The following RAP1GAP2 variants were observed in gnomAD, a reference collection of about 807,000 sequenced individuals.
RAP1GAP2 encodes RAP1 GTPase activating protein 2.
A neutral mutation model predicts 95.0 loss-of-function variants in RAP1GAP2; 27 were observed. That is an observed-to-expected ratio of 0.28 (90% CI 0.21 to 0.39). The LOEUF is 0.39. Among genes scored for constraint, RAP1GAP2 ranks in the 10% least tolerant of loss-of-function variants. The pLI is 1.00. For synonymous variants in RAP1GAP2, 373 were observed against 380.9 expected, an observed-to-expected ratio of 0.98 and a Z score of 0.24; for missense variants, 771 against 970.0, an observed-to-expected ratio of 0.79 and a Z score of 2.72.
intron 23 of RAP1GAP2, among the ~76,000 whole-genome samples, chr17:3,031,980 C>T (rs1045757234): frequency 6.7e-6 from 1 of 149,704 alleles, no homozygotes; most frequent in Non-Finnish European, 1.5e-5. Context: ...CTGGGTCCCC[C>T]AGTCCCTTCC....
intron 11 of RAP1GAP2, among the ~76,000 whole-genome samples, chr17:2,988,903 T>C (rs9907471): frequency 1.3e-5 from 2 of 151,988 alleles, no homozygotes; most frequent in Admixed American, 6.6e-5. Flanking sequence ...CTCCTAAAAA[T>C]ACAAAAAATT....
intron 2 of RAP1GAP2, among the ~76,000 whole-genome samples, chr17:2,864,617 G>A (rs1310820328): frequency 3.3e-5 from 5 of 152,236 alleles, no homozygotes; most frequent in African/African-American, 7.2e-5. Flanking sequence ...GAGGCTGGGG[G>A]TTGGGAGCTC....
intron 2 of RAP1GAP2, among the ~76,000 whole-genome samples, chr17:2,822,791 G>C (rs964695065): frequency 1.3e-5 from 2 of 151,130 alleles, no homozygotes; most frequent in African/African-American, 4.9e-5. Context: ...GTGCCATGTT[G>C]GTGTGCTGCA....
intron 1 of RAP1GAP2, among the ~76,000 whole-genome samples, chr17:2,757,263 C>A (rs2071165534): frequency 6.6e-6 from 1 of 151,916 alleles, no homozygotes; most frequent in Admixed American, 6.6e-5. Flanking sequence ...GGACTGCAGG[C>A]ATGGGCCATC....
At chr17:2,966,842 G>A (rs1018005645) in intron 8 of RAP1GAP2, among the ~76,000 whole-genome samples, 1 of 152,138 alleles carries the variant, frequency 6.6e-6, no homozygotes, top group Non-Finnish European at 1.5e-5. Flanking sequence ...CCGAGACTGG[G>A]TAGCATTTTT....
chr17:2,836,216 A>G (rs536711598), intron 2 of RAP1GAP2, among the ~76,000 whole-genome samples: 1 of 151,942 alleles, frequency 6.6e-6, no homozygotes, highest in African/African-American at 2.4e-5. Context: ...GTAGAGGTCT[A>G]CTATGTTCAC....
chr17:2,820,893 T>C (rs2070263051), intron 2 of RAP1GAP2, among the ~76,000 whole-genome samples: 1 of 54,426 alleles, frequency 1.8e-5, no homozygotes, highest in Admixed American at 1.5e-4. Context: ...CGGATAATGG[T>C]TTTTTTTTTT....
upstream of RAP1GAP2, among the ~76,000 whole-genome samples, chr17:2,776,035 C>T (rs2068491204): frequency 6.6e-6 from 1 of 152,108 alleles, no homozygotes. Context: ...AAAAAGTAGC[C>T]GGGTATGGTG....
chr17:2,823,029 G>T (rs993716651), intron 2 of RAP1GAP2, among the ~76,000 whole-genome samples: 1 of 152,138 alleles, frequency 6.6e-6, no homozygotes, highest in African/African-American at 2.4e-5. Flanking sequence ...TCCTTGGGGT[G>T]AGGCACAGCC....
At position 2,965,218 on chromosome 17, in the gene RAP1GAP2, T is replaced by C; in HGVS notation, c.493-322T>C. On this transcript the variant is annotated intron_variant, in intron 7 of 24. Transcript: ENST00000254695. This position sits in a 1 kb window ranked among gnomAD's most constrained non-coding sequence, Gnocchi z 4.7. ...TGCGTTTGAACCCTGGATCTGTCCC[T>C]TACTCATCGTGTCATCCTGGGCAGT... The C allele has an allele frequency of 2.7e-6, 1 of 364,556 alleles. No homozygotes were observed. Among genetic ancestry groups the C allele is most frequent in the South Asian group, 2.9e-5 (1 of 34,406 alleles). 22.6% of individuals were successfully genotyped at this position (364,556 alleles called of 1,614,324 possible). A position where few individuals can be genotyped will look rare whatever the true frequency, so the allele number is the denominator to read the frequency against.
At chr17:2,853,010 G>T (rs1280133280) in intron 2 of RAP1GAP2, among the ~76,000 whole-genome samples, 1 of 151,988 alleles carries the variant, frequency 6.6e-6, no homozygotes, top group East Asian at 1.9e-4. Context: ...AGGGCGGAGT[G>T]GGGGGCGCCC....
upstream of RAP1GAP2, among the ~76,000 whole-genome samples, chr17:2,793,304 C>G (rs375011926): frequency 6.6e-6 from 1 of 152,116 alleles, no homozygotes; most frequent in Non-Finnish European, 1.5e-5. Flanking sequence ...CAGGCATGTG[C>G]CACGACGCCC....
chr17:2,897,242 G>T (rs1184931188), intron 2 of RAP1GAP2, among the ~76,000 whole-genome samples: 1 of 152,036 alleles, frequency 6.6e-6, no homozygotes, highest in African/African-American at 2.4e-5. Flanking sequence ...GGAGGCTGAG[G>T]CAGGAGAATT....
chr17:2,896,420 AGC>A (rs1350167664), intron 2 of RAP1GAP2, among the ~76,000 whole-genome samples: 1 of 152,140 alleles, frequency 6.6e-6, no homozygotes, highest in Non-Finnish European at 1.5e-5. Flanking sequence ...AGTGGGAAGG[AGC>A]ACCGGAATGG....
intron 10 of RAP1GAP2, 28 bp from the exon 11 acceptor site, chr17:2,984,955 A>ATTTTTTTTTTT: frequency 2.6e-6 from 4 of 1,546,656 alleles, no homozygotes; most frequent in South Asian, 1.2e-5. Flanking sequence ...ACAAATGTTG[A>ATTTTTTTTTTT]TTTTTTTTTT....
rs2046417258 is a variant in RAP1GAP2 at position 3,008,845 on chromosome 17, G to T, written c.1494+700G>T. 6.6e-6 allele frequency among the ~76,000 whole-genome samples: 1 copy of T among 152,204 alleles called. No homozygotes were observed. The highest frequency in any genetic ancestry group is 2.4e-5 in the African/African-American group (1 of 41,462). ...GCATCTGGCTCGAGCCTGGCTGTCA[G>T]CCTGTGCAGGTGGCGGAACGGGTCT... On this transcript the variant is annotated intron_variant, in intron 17 of 24. Transcript: ENST00000254695. This position sits in a 1 kb window ranked among gnomAD's most constrained non-coding sequence, Gnocchi z 4.2.
At chr17:2,763,429 C>T (rs1051064600) in intron 1 of RAP1GAP2, among the ~76,000 whole-genome samples, 7 of 152,118 alleles carry the variant, frequency 4.6e-5, no homozygotes, top group African/African-American at 1.7e-4. Context: ...GGTGCGGCAG[C>T]TCATGCCTGG....
intron 4 of RAP1GAP2, among the ~76,000 whole-genome samples, chr17:2,961,800 T>A (rs1009725054): frequency 6.6e-6 from 1 of 152,028 alleles, no homozygotes; most frequent in Non-Finnish European, 1.5e-5. Context: ...CTTGAAGGCC[T>A]GTTGGCGTGG....
At chr17:3,007,419 T>G (rs1197197564) in intron 16 of RAP1GAP2, among the ~76,000 whole-genome samples, 1 of 152,144 alleles carries the variant, frequency 6.6e-6, no homozygotes, top group Non-Finnish European at 1.5e-5. Flanking sequence ...GACAAAGGCT[T>G]ATACTGTATG....
Sources: gnomAD v4.1 joint callset for allele counts (sites outside exome capture counted in the v4.1 genomes callset) on GRCh38, gnomAD v4.1.1 for gene constraint, Gnocchi (gnomAD v3.1) non-coding constraint, MANE v1.5 for transcripts, NCBI Gene and HGNC (gene_info 2026-07-23, HGNC 2026-07-21) for gene names.